MSRB3: variants seen among roughly 807,000 people sequenced by gnomAD.
The protein encoded by MSRB3 is methionine-R-sulfoxide reductase B3.
MSRB3 carries 13 observed loss-of-function variants against 21.0 expected under a neutral mutation model. The observed-to-expected ratio is 0.62, with a 90% CI of 0.40 to 0.98. The LOEUF (loss-of-function observed/expected upper bound fraction) is 0.98, where lower values mean the gene tolerates loss of function less well. Among genes scored for constraint, MSRB3 ranks in the 50% least tolerant of loss-of-function variants. MSRB3 has a pLI of 0.00. For missense variants in MSRB3, 199 were observed against 230.3 expected, an observed-to-expected ratio of 0.86 and a Z score of 0.88; for synonymous variants, 87 against 88.6, an observed-to-expected ratio of 0.98 and a Z score of 0.10.
intron 4 of MSRB3, among the ~76,000 whole-genome samples, chr12:65,351,104 C>A (rs1433915397): frequency 6.6e-6 from 1 of 152,130 alleles, no homozygotes; most frequent in Non-Finnish European, 1.5e-5. Context: ...GAAATTATAA[C>A]AAACTATCTC....
At chr12:65,444,626 T>G (rs1882531274) in intron 5 of MSRB3, among the ~76,000 whole-genome samples, 1 of 152,186 alleles carries the variant, frequency 6.6e-6, no homozygotes, top group Non-Finnish European at 1.5e-5. Context: ...CCTGTAGCCT[T>G]CCTTCCCTGC....
At chr12:65,342,800 A>G (rs546982082) in intron 4 of MSRB3, among the ~76,000 whole-genome samples, 8 of 152,186 alleles carry the variant, frequency 5.3e-5, no homozygotes, top group African/African-American at 7.2e-5. Flanking sequence ...AGAACATTTA[A>G]TTATCTGGAA....
chr12:65,419,510 C>A, intron 5 of MSRB3: 1 of 740,758 alleles, frequency 1.3e-6, no homozygotes, highest in African/African-American at 1.7e-5. Flanking sequence ...ATGGCCAGCT[C>A]TGTGTCATAC....
At chr12:65,413,564 A>AT (rs58648873) in intron 5 of MSRB3, among the ~76,000 whole-genome samples, 43,605 of 151,872 alleles carry the variant, frequency 0.29, 6,849 homozygotes, top group Middle Eastern at 0.46. Context: ...TCATAGATTA[A>AT]TTTCATCCCT....
intron 5 of MSRB3, among the ~76,000 whole-genome samples, chr12:65,439,627 G>A (rs1013138255): frequency 6.6e-6 from 1 of 151,244 alleles, no homozygotes. Flanking sequence ...CTAACTCTAT[G>A]GGGTACAATA....
intron 4 of MSRB3, among the ~76,000 whole-genome samples, chr12:65,340,862 T>C (rs1277811541): frequency 1.3e-5 from 2 of 151,896 alleles, no homozygotes; most frequent in Non-Finnish European, 2.9e-5. Flanking sequence ...AATAAAATAA[T>C]ATACAAAATT....
intron 4 of MSRB3, among the ~76,000 whole-genome samples, chr12:65,335,223 T>C (rs773102274): frequency 4.6e-5 from 7 of 152,166 alleles, no homozygotes; most frequent in Non-Finnish European, 1.0e-4. Context: ...TGTCCAAGTT[T>C]TGGGAACATA....
chr12:65,346,354 C>T (rs954099585), intron 4 of MSRB3, among the ~76,000 whole-genome samples: 10 of 152,128 alleles, frequency 6.6e-5, no homozygotes, highest in Non-Finnish European at 1.3e-4. Flanking sequence ...AGCATTTTTT[C>T]ATGTGTTTTT....
At chr12:65,329,588 T>G (rs1875277487) in intron 4 of MSRB3, among the ~76,000 whole-genome samples, 1 of 151,294 alleles carries the variant, frequency 6.6e-6, no homozygotes, top group Non-Finnish European at 1.5e-5. Context: ...AGGCGGAGGT[T>G]GCAGTCAGCC....
intron 1 of MSRB3, among the ~76,000 whole-genome samples, chr12:65,291,061 C>CT (rs1334227620): frequency 6.6e-6 from 1 of 151,892 alleles, no homozygotes; most frequent in Non-Finnish European, 1.5e-5. Flanking sequence ...AGCTAATTAT[C>CT]TTTTTTCCTG....
chr12:65,446,560 A>G (rs944055929), intron 5 of MSRB3, among the ~76,000 whole-genome samples: 80 of 152,220 alleles, frequency 5.3e-4, no homozygotes, highest in African/African-American at 1.7e-3. Flanking sequence ...ATTCAAGATG[A>G]TAAACTGAGC....
At chr12:65,451,326 A>G (rs1882849812) in intron 5 of MSRB3, among the ~76,000 whole-genome samples, 1 of 152,144 alleles carries the variant, frequency 6.6e-6, no homozygotes, top group South Asian at 2.1e-4. Context: ...ACAACAAACT[A>G]TTCAAGCATC....
rs370812570 is a variant in MSRB3, at chr12:65,326,829, C to T, written c.80C>T (p.Ser27Leu). ...CCCATATCCTCTCTCTTTTCAGGGT[C>T]GTGTAGGGATAAAAAGAACTGTAAG... ...ALRACGLPSG[S>L]CRDKKNCKVV... The change falls in exon 3 of 7, where the codon TCG becomes TTG. Residue 27 changes from serine to leucine, a missense_variant. Ser to Leu is a moderately radical substitution (Grantham distance 145). Transcript: ENST00000308259. The T allele has an allele frequency of 5.1e-5, 83 of 1,612,410 alleles. No individual in the cohort carries two copies. Among genetic ancestry groups the T allele is most frequent in the African/African-American group, 5.3e-5 (4 of 74,824 alleles).
At chr12:65,370,865 A>AATATT (rs1878278427) in intron 5 of MSRB3, among the ~76,000 whole-genome samples, 2 of 152,232 alleles carry the variant, frequency 1.3e-5, no homozygotes, top group Admixed American at 1.3e-4. Context: ...TTGTTCTTTT[A>AATATT]ATATTAAACT....
intron 1 of MSRB3, among the ~76,000 whole-genome samples, chr12:65,300,250 T>A (rs956592260): frequency 2.6e-5 from 4 of 152,216 alleles, no homozygotes; most frequent in African/African-American, 9.6e-5. Context: ...GGAAAATCTT[T>A]AGTTTTTGGT....
chr12:65,291,240 C>A (rs796225573), intron 1 of MSRB3, among the ~76,000 whole-genome samples: 68 of 152,104 alleles, frequency 4.5e-4, no homozygotes, highest in African/African-American at 1.6e-3. Flanking sequence ...CGCCTGCCAC[C>A]ATGTCTGGGT....
chr12:65,378,045 T>A (rs542501701), intron 5 of MSRB3, among the ~76,000 whole-genome samples: 1 of 152,304 alleles, frequency 6.6e-6, no homozygotes, highest in South Asian at 2.1e-4. Context: ...ATGAAATAAT[T>A]TTTTTATGAT....
intron 4 of MSRB3, among the ~76,000 whole-genome samples, chr12:65,362,781 G>T (rs1232189288): frequency 6.6e-6 from 1 of 152,128 alleles, no homozygotes; most frequent in Non-Finnish European, 1.5e-5. Context: ...GGGGGAGGGA[G>T]GAGGAAGCAT....
chr12:65,412,348 C>A (rs1487044196), intron 5 of MSRB3, among the ~76,000 whole-genome samples: 2 of 152,156 alleles, frequency 1.3e-5, no homozygotes, highest in Non-Finnish European at 2.9e-5. Flanking sequence ...TACTTTATTT[C>A]TCCTTCACCT....
Sources: gnomAD v4.1 joint callset for allele counts (sites outside exome capture counted in the v4.1 genomes callset) on GRCh38, gnomAD v4.1.1 for gene constraint, MANE v1.5 for transcripts, NCBI Gene and HGNC (gene_info 2026-07-23, HGNC 2026-07-21) for gene names.